Variants in CYP2R1 observed in about 807,000 individuals in gnomAD.
CYP2R1 encodes the protein cytochrome P450 family 2 subfamily R member 1.
In CYP2R1, 40 loss-of-function variants were observed where a neutral mutation model predicts 45.7. The ratio of observed to expected loss-of-function variants is 0.87; its 90% CI spans 0.68 to 1.14. The LOEUF (loss-of-function observed/expected upper bound fraction) is 1.14, where lower values mean the gene tolerates loss of function less well. CYP2R1 is among the 50% of genes most tolerant of loss of function. The pLI is 0.00. For synonymous variants in CYP2R1, 234 were observed against 219.3 expected, an observed-to-expected ratio of 1.07 and a Z score of -0.59; for missense variants, 605 against 602.6, an observed-to-expected ratio of 1.00 and a Z score of -0.04.
chr11:14,891,117 G>C, intron 1 of CYP2R1: 1 of 985,238 alleles, frequency 1.0e-6, no homozygotes, highest in Non-Finnish European at 1.2e-6. Context: ...AGGACCCGTG[G>C]AAACTCCTGC....
chr11:14,892,167 C>A lies in CYP2R1; in HGVS notation c.39G>T (p.Ala13=). 6.2e-7 allele frequency: 1 copy of A among 1,610,764 alleles called. No individual in the cohort carries two copies. Among genetic ancestry groups the A allele is most frequent in the Non-Finnish European group, 8.5e-7 (1 of 1,179,770 alleles). The change falls in exon 1 of 5, where the codon GCG becomes GCT. Residue 13 remains alanine (A), a synonymous_variant. Coordinates refer to ENST00000334636, the MANE Select transcript of CYP2R1 (RefSeq NM_024514.5). ...KLWRAEEGAA[A]LGGALFLLLF... The stretch of plus-strand genomic sequence containing the variant: ...GCAGCAGGAAGAGCGCGCCGCCGAG[C>A]GCCGCCGCGCCCTCTTCAGCTCTCC...
chr11:14,878,516 G>GT (rs142431179), intron 4 of CYP2R1, among the ~76,000 whole-genome samples: 3,374 of 152,180 alleles, frequency 0.022, 61 homozygotes, highest in Non-Finnish European at 0.037. Flanking sequence ...ACGGACTTTT[G>GT]TAAGACTTTA....
chr11:14,891,613 G>C (rs1230555605), intron 1 of CYP2R1: 7 of 1,064,278 alleles, frequency 6.6e-6, no homozygotes, highest in East Asian at 8.6e-5. Flanking sequence ...AGGCCGACTC[G>C]CAAGACGCCC....
chr11:14,888,559 C>T (rs1848705909), intron 1 of CYP2R1, among the ~76,000 whole-genome samples: 1 of 152,176 alleles, frequency 6.6e-6, no homozygotes. Context: ...GACCATCCTC[C>T]ATGATGCCTT....
chr11:14,889,809 C>G (rs1455240027), intron 1 of CYP2R1, among the ~76,000 whole-genome samples: 1 of 152,088 alleles, frequency 6.6e-6, no homozygotes, highest in East Asian at 1.9e-4. Flanking sequence ...ATTTGGAGGT[C>G]GAACAAATGT....
At chr11:14,883,891 A>G (rs1555013311) in intron 2 of CYP2R1, among the ~76,000 whole-genome samples, 2 of 152,216 alleles carry the variant, frequency 1.3e-5, no homozygotes, top group African/African-American at 2.4e-5. Context: ...GACACTTCTC[A>G]AAAGAAGACA....
At chr11:14,880,863 C>CA in intron 2 of CYP2R1, 95 bp from the exon 3 acceptor site, 4 of 1,214,598 alleles carry the variant, frequency 3.3e-6, no homozygotes, top group Non-Finnish European at 4.6e-6. Flanking sequence ...GTTAGTCATC[C>CA]TTCTCCAAAT....
At chr11:14,886,058 A>G in intron 1 of CYP2R1, 141 bp from the exon 2 acceptor site, 6 of 797,690 alleles carry the variant, frequency 7.5e-6, no homozygotes, top group East Asian at 2.7e-5. Flanking sequence ...CTCAACTGAC[A>G]ATGTTCAGAG....
intron 1 of CYP2R1, chr11:14,891,208 T>C: frequency 1.0e-6 from 1 of 985,332 alleles, no homozygotes; most frequent in Non-Finnish European, 1.2e-6. Flanking sequence ...CCGTGCTGCT[T>C]TCCCCTCCGC....
rs1848878991 is a variant in CYP2R1 at position 14,892,049 on chromosome 11, A to T, written c.157T>A (p.Tyr53Asn). The T allele has an allele frequency of 6.2e-7, 1 of 1,613,068 alleles. No homozygotes were observed. The highest frequency in any genetic ancestry group is 1.7e-5 in the Admixed American group (1 of 60,000). The change falls in exon 1 of 5, where the codon TAT (tyrosine) becomes AAT (asparagine). Residue 53 changes from tyrosine to asparagine, a missense_variant. Physicochemically the swap from Tyr to Asn is moderately radical, Grantham distance 143. Transcript: ENST00000334636. Reference protein sequence around the residue: ...PPGLPFIGNIYSLAASSELPH... With the variant: ...PPGLPFIGNINSLAASSELPH... The stretch of plus-strand genomic sequence containing the variant: ...AGCTCGGATGAGGCTGCCAGGGAAT[A>T]GATGTTGCCGATAAATGGCAGCCCC...
At chr11:14,889,813 C>A (rs565719333) in intron 1 of CYP2R1, among the ~76,000 whole-genome samples, 2 of 152,200 alleles carry the variant, frequency 1.3e-5, no homozygotes, top group African/African-American at 4.8e-5. Context: ...GGAGGTCGAA[C>A]AAATGTGTTC....
intron 1 of CYP2R1, chr11:14,891,536 T>C (rs1848855638): frequency 1.2e-5 from 12 of 1,006,444 alleles, no homozygotes; most frequent in Non-Finnish European, 1.4e-5. Flanking sequence ...GAACCTGCTA[T>C]TAACCATCTA....
chr11:14,890,903 A>C, intron 1 of CYP2R1: 1 of 985,396 alleles, frequency 1.0e-6, no homozygotes, highest in Non-Finnish European at 1.2e-6. Context: ...GTCAAACCTG[A>C]AATACCACAG....
intron 1 of CYP2R1, chr11:14,886,930 C>T (rs1333069582): frequency 6.6e-6 from 1 of 152,258 alleles, no homozygotes; most frequent in East Asian, 1.9e-4. Context: ...AGTAATGGGG[C>T]CACCAGAGTC....
At chr11:14,879,581 A>T (rs1471825930) in intron 3 of CYP2R1, 138 bp from the exon 4 acceptor site, 3 of 639,712 alleles carry the variant, frequency 4.7e-6, no homozygotes, top group Non-Finnish European at 5.5e-6. Flanking sequence ...ATTTTTTATT[A>T]TCTGGGCGTT....
At chr11:14,885,645 T>C in intron 2 of CYP2R1, 131 bp downstream of exon 2, 1 of 966,966 alleles carries the variant, frequency 1.0e-6, no homozygotes, top group Non-Finnish European at 1.6e-6. Flanking sequence ...CCTCAAATAC[T>C]AGGTTCTGTA....
chr11:14,891,656 A>G (rs1590237108), intron 1 of CYP2R1: 5 of 1,157,714 alleles, frequency 4.3e-6, no homozygotes, highest in East Asian at 1.2e-4. Context: ...CCTGGACCTG[A>G]AGTGGCGGCG....
At chr11:14,887,074 T>C (rs1378585979) in intron 1 of CYP2R1, 1 of 152,258 alleles carries the variant, frequency 6.6e-6, no homozygotes, top group Non-Finnish European at 1.5e-5. Flanking sequence ...TAAAAGGGAA[T>C]GGCTACCAGC....
intron 1 of CYP2R1, chr11:14,886,812 A>C (rs1848636966): frequency 6.6e-6 from 1 of 152,322 alleles, no homozygotes. Flanking sequence ...GCCATGGTAC[A>C]CACTACTTCA....
Sources: allele counts gnomAD v4.1 joint callset (sites outside exome capture counted in the v4.1 genomes callset), GRCh38; gene constraint gnomAD v4.1.1; transcripts MANE v1.5; gene names NCBI Gene and HGNC (gene_info 2026-07-23, HGNC 2026-07-21).